SLC60A1: variants seen among roughly 807,000 people sequenced by gnomAD.
SLC60A1 encodes solute carrier family 60 member 1.
the SLC60A1 span, chr1:205,584,952 C>G: frequency 1.2e-6 from 2 of 1,614,072 alleles, no homozygotes; most frequent in South Asian, 2.2e-5. Context: ...CCATCCACAT[C>G]ACGGGCGCCC....
chr1:205,600,364 G>C, the SLC60A1 span: 3 of 1,593,700 alleles, frequency 1.9e-6, no homozygotes, highest in South Asian at 3.3e-5. Flanking sequence ...CAACTCATCA[G>C]AGCTGCTGAA....
the SLC60A1 span, chr1:205,599,182 G>A: frequency 1.2e-6 from 2 of 1,614,136 alleles, no homozygotes; most frequent in Admixed American, 1.7e-5. Flanking sequence ...CGTGATCTTT[G>A]GTTGTCTGGC....
chr1:205,589,178 C>T, the SLC60A1 span, among the ~76,000 whole-genome samples: 1 of 152,202 alleles, frequency 6.6e-6, no homozygotes, highest in African/African-American at 2.4e-5. Flanking sequence ...TGGCGGCTTC[C>T]AAACCCCGGC....
At chr1:205,573,968 A>G in the SLC60A1 span, among the ~76,000 whole-genome samples, 1 of 151,592 alleles carries the variant, frequency 6.6e-6, no homozygotes, top group Non-Finnish European at 1.5e-5. Flanking sequence ...AAGTGCTGGG[A>G]TTACAGGTGT....
the SLC60A1 span, among the ~76,000 whole-genome samples, chr1:205,586,591 C>A: frequency 6.6e-6 from 1 of 152,290 alleles, no homozygotes; most frequent in African/African-American, 2.4e-5. Flanking sequence ...TGCTCAGAGC[C>A]CTCCAGTCAG....
the SLC60A1 span, among the ~76,000 whole-genome samples, chr1:205,579,193 T>C: frequency 6.6e-6 from 1 of 152,326 alleles, no homozygotes; most frequent in East Asian, 1.9e-4. Context: ...ATCACCTGAA[T>C]ACCTGGGTTG....
the SLC60A1 span, among the ~76,000 whole-genome samples, chr1:205,582,622 C>T: frequency 1.3e-5 from 2 of 152,218 alleles, no homozygotes; most frequent in African/African-American, 4.8e-5. Flanking sequence ...CACTCAGGCA[C>T]TCTGCCACTA....
At chr1:205,574,888 C>T in the SLC60A1 span, among the ~76,000 whole-genome samples, 1 of 152,188 alleles carries the variant, frequency 6.6e-6, no homozygotes, top group Non-Finnish European at 1.5e-5. Flanking sequence ...CAGAGTCTAA[C>T]AGGGTGGTCC....
the SLC60A1 span, among the ~76,000 whole-genome samples, chr1:205,587,522 G>A: frequency 6.6e-6 from 1 of 152,130 alleles, no homozygotes; most frequent in Non-Finnish European, 1.5e-5. Context: ...GATGAGCAGT[G>A]GAGGAATTTG....
At chr1:205,580,678 G>A in the SLC60A1 span, 2 of 1,611,172 alleles carry the variant, frequency 1.2e-6, no homozygotes, top group African/African-American at 1.3e-5. The surrounding 1 kb of genome is among the most constrained non-coding windows in gnomAD (Gnocchi z 5.0). Flanking sequence ...ATTTCTTCGT[G>A]GGCTTTGGTG....
the SLC60A1 span, among the ~76,000 whole-genome samples, chr1:205,574,651 G>T: frequency 6.6e-6 from 1 of 152,054 alleles, no homozygotes; most frequent in Non-Finnish European, 1.5e-5. Context: ...CATTTTGGGG[G>T]CCACTTAGCT....
the SLC60A1 span, chr1:205,601,477 A>G: frequency 1.3e-5 from 2 of 152,386 alleles, no homozygotes; most frequent in South Asian, 2.1e-4. Context: ...CAGGAGAATG[A>G]AATGGATGTT....
At chr1:205,588,656 G>C in the SLC60A1 span, among the ~76,000 whole-genome samples, 6 of 152,218 alleles carry the variant, frequency 3.9e-5, no homozygotes, top group African/African-American at 1.4e-4. Context: ...CTCCTGTGTA[G>C]ATGTGAAGTG....
At chr1:205,599,340 G>A in the SLC60A1 span, 18 of 1,515,706 alleles carry the variant, frequency 1.2e-5, no homozygotes, top group East Asian at 9.1e-5. Flanking sequence ...GGATCTTAAC[G>A]TGCCAGAAAC....
the SLC60A1 span, chr1:205,598,032 G>C: frequency 8.2e-5 from 49 of 594,900 alleles, no homozygotes; most frequent in East Asian, 1.4e-3. Context: ...TGAGAGCTGA[G>C]CCTCCATATG....
chr1:205,583,842 T>C, the SLC60A1 span: 1 of 1,366,432 alleles, frequency 7.3e-7, no homozygotes. Context: ...TGGGCACCCT[T>C]AGAAAAGAGC....
chr1:205,584,901 C>A, the SLC60A1 span: 1 of 1,614,072 alleles, frequency 6.2e-7, no homozygotes, highest in Non-Finnish European at 8.5e-7. Context: ...TCAGCTGCTG[C>A]CAAAGGAAGA....
chr1:205,598,465 T>A, the SLC60A1 span: 5 of 152,990 alleles, frequency 3.3e-5, no homozygotes, highest in African/African-American at 1.2e-4. Flanking sequence ...CCTAGGTCAG[T>A]CACACTTCCA....
chr1:205,597,720 A>T, the SLC60A1 span: 1 of 1,575,560 alleles, frequency 6.3e-7, no homozygotes, highest in African/African-American at 1.4e-5. Flanking sequence ...CCTGGATTGT[A>T]ATGCTGGCTT....
Sources: allele counts gnomAD v4.1 joint callset (sites outside exome capture counted in the v4.1 genomes callset), GRCh38; gene constraint gnomAD v4.1.1; non-coding constraint Gnocchi (gnomAD v3.1); transcripts MANE v1.5; gene names NCBI Gene and HGNC (gene_info 2026-07-23, HGNC 2026-07-21).